FAT4: variants seen among roughly 807,000 people sequenced by gnomAD.
FAT4 encodes the protein FAT atypical cadherin 4, also known as protocadherin Fat 4.
A neutral mutation model predicts 303.9 loss-of-function variants in FAT4; 84 were observed. The ratio of observed to expected loss-of-function variants is 0.28; its 90% CI spans 0.23 to 0.33. The LOEUF is 0.33. Ranked by LOEUF, FAT4 falls within the 10% of genes least tolerant of loss-of-function variation. The pLI, the probability that FAT4 is intolerant of heterozygous loss-of-function variation, is 1.00. For synonymous variants in FAT4, 2,307 were observed against 2,298.8 expected (o/e 1.00, Z -0.10); for missense variants, 6,005 against 6,146.8 (o/e 0.98, Z 0.77).
At position 125,455,237 on chromosome 4, in the gene FAT4, A is replaced by AT. The variant is rs942864223; in HGVS notation, c.11800+2428dup. ...TGAAGAAAGTGCAAATGTATTAGGT[A>AT]TGGATAAGAAACATGGAAAGTACTA... On this transcript the variant is annotated intron_variant, in intron 10 of 17. Coordinates refer to ENST00000394329, the MANE Select transcript of FAT4 (RefSeq NM_001291303.3). Among the ~76,000 whole-genome samples, 157 of 152,350 alleles carry AT rather than the reference A, an allele frequency of 1.0e-3. 1 individual carries two copies. Among genetic ancestry groups the AT allele is most frequent in the African/African-American group, 3.6e-3 (151 of 41,578 alleles).
intron 2 of FAT4, among the ~76,000 whole-genome samples, chr4:125,392,427 A>T (rs958941124): frequency 1.3e-5 from 2 of 152,176 alleles, no homozygotes; most frequent in Admixed American, 1.3e-4. Context: ...ACTATTTTAT[A>T]GTTTGTACAG....
intron 7 of FAT4, among the ~76,000 whole-genome samples, chr4:125,432,138 T>G (rs1725303835): frequency 6.6e-6 from 1 of 152,124 alleles, no homozygotes; most frequent in Non-Finnish European, 1.5e-5. Context: ...CTGGTGCTCT[T>G]CTAGGCTCAG....
At chr4:125,353,836 T>A (rs181612052) in intron 2 of FAT4, among the ~76,000 whole-genome samples, 86 of 151,834 alleles carry the variant, frequency 5.7e-4, no homozygotes, top group Admixed American at 1.4e-3. Flanking sequence ...TATGTTTTGG[T>A]TGAATTGTGA....
At position 125,315,645 on chromosome 4, in the gene FAT4, G is replaced by C. The variant is rs751402976; in HGVS notation, c.-345G>C. ...TGTGCCGGACCACGGGCTTGAAGCC[G>C]CAACAGGGGCGGCGGCGGCGGCGGC... On this transcript the variant is annotated 5_prime_UTR_variant, in exon 1 of 18. Coordinates refer to ENST00000394329, the MANE Select transcript of FAT4 (RefSeq NM_001291303.3). Among the ~76,000 whole-genome samples, 1 of 152,208 alleles carries C rather than the reference G, an allele frequency of 6.6e-6. No homozygotes were observed. Among genetic ancestry groups the C allele is most frequent in the East Asian group, 1.9e-4 (1 of 5,162 alleles).
chr4:125,415,297 C>A lies in FAT4; in HGVS notation c.6334C>A (p.Leu2112Met), dbSNP rs781133612. ...IDGEVRLTGE[L>M]DREEVSNYTL... ...TGGTGAAGTGAGGCTCACTGGAGAA[C>A]TGGACAGAGAAGAAGTTTCTAATTA... Residue 2112 changes from leucine to methionine, a missense_variant, in exon 6 of 18, where the codon CTG (leucine) becomes ATG (methionine). Transcript: ENST00000394329. The A allele has an allele frequency of 3.7e-5, 59 of 1,613,924 alleles. No homozygotes were observed. The highest frequency in any genetic ancestry group is 4.8e-5 in the Non-Finnish European group (57 of 1,179,992).
chr4:125,395,413 G>A (rs997682944), intron 2 of FAT4, among the ~76,000 whole-genome samples: 3 of 152,194 alleles, frequency 2.0e-5, no homozygotes, highest in South Asian at 4.1e-4. Flanking sequence ...GGGTTCAAGC[G>A]ATTCTCCTGT....
intron 2 of FAT4, among the ~76,000 whole-genome samples, chr4:125,355,726 C>T (rs2952839): frequency 0.98 from 149,586 of 151,962 alleles, 73,634 homozygotes; most frequent in East Asian, 1. Flanking sequence ...TCTTTTTTTT[C>T]CTCCAATAAT....
rs993652784 is a variant in FAT4 at position 125,451,910 on chromosome 4, A to G, written c.10900A>G (p.Ile3634Val). 2 of 1,613,896 alleles carry G rather than the reference A, an allele frequency of 1.2e-6. No homozygotes were observed. The highest frequency in any genetic ancestry group is 8.5e-7 in the Non-Finnish European group (1 of 1,179,980). ...NYYGNLFPGG[I>V]LGSVKPQDPD... ...TTATGGTAACTTGTTTCCCGGTGGG[A>G]TTTTAGGCTCTGTGAAGCCACAGGA... Residue 3634 changes from isoleucine to valine, a missense_variant, in exon 10 of 18, where the codon ATT (isoleucine) becomes GTT (valine). Ile to Val is a conservative substitution (Grantham distance 29, BLOSUM62 3). Coordinates refer to ENST00000394329, the MANE Select transcript of FAT4 (RefSeq NM_001291303.3).
intron 2 of FAT4, among the ~76,000 whole-genome samples, chr4:125,392,691 T>C (rs756792060): frequency 3.3e-5 from 5 of 152,158 alleles, no homozygotes; most frequent in East Asian, 1.9e-4. Flanking sequence ...AATATAAATA[T>C]AAAAGAACCT....
Position 125,448,797 on chromosome 4 carries a change from T to C in FAT4, c.7787T>C (p.Leu2596Ser), listed in dbSNP as rs111501860. Residue 2596 changes from leucine to serine, a missense_variant, in exon 10 of 18, where the codon TTA becomes TCA. Coordinates refer to ENST00000394329, the MANE Select transcript of FAT4 (RefSeq NM_001291303.3). ...SLVTTITGSS[L>S]RGEPMSYYIA... ...GTCACCACCATCACAGGATCCTCTT[T>C]AAGAGGAGAACCTATGTCATATTAT... 4.9e-4 allele frequency: 797 copies of C among 1,610,362 alleles called. 5 individuals carry two copies. The African/African-American group carries it at 7.8e-3, about 16-fold the overall frequency.
Position 125,319,282 on chromosome 4 carries a change from T to C in FAT4, c.2871T>C (p.Val957=). ...GTISLLGPLD[V]HAGSYQIEIL... ...TTAGTCTGCTTGGGCCCCTGGATGT[T>C]CATGCTGGCTCCTACCAAATAGAGA... Residue 957 remains valine, a synonymous_variant, in exon 2 of 18, where the codon GTT becomes GTC. Transcript: ENST00000394329. The C allele has an allele frequency of 6.2e-7, 1 of 1,614,162 alleles. No individual in the cohort carries two copies. The highest frequency in any genetic ancestry group is 8.5e-7 in the Non-Finnish European group (1 of 1,180,014).
In FAT4 at chr4:125,316,646, G is replaced by C. The variant is rs767730943; in HGVS notation, c.235G>C (p.Ala79Pro). The change falls in exon 2 of 18, where the codon GCC (alanine) becomes CCC (proline). Residue 79 changes from alanine (A) to proline (P), a missense_variant. Physicochemically the swap from Ala to Pro is conservative, Grantham distance 27. Transcript: ENST00000394329. This position sits in a 1 kb window ranked among gnomAD's most constrained non-coding sequence, Gnocchi z 5.7. The part of the protein sequence containing the change: ...GFTYRLSESH[A>P]LFAINSSTGA... Reference sequence around the variant, plus strand: ...CACCTACAGGCTCAGCGAAAGCCACGCCCTGTTTGCCATAAACAGTAGCAC... The same window carrying C: ...CACCTACAGGCTCAGCGAAAGCCACCCCCTGTTTGCCATAAACAGTAGCAC... The C allele has an allele frequency of 1.2e-6, 2 of 1,613,670 alleles. No individual in the cohort carries two copies. The highest frequency in any genetic ancestry group is 2.2e-5 in the East Asian group (1 of 44,854).
intron 2 of FAT4, chr4:125,394,109 G>T: frequency 1.6e-6 from 1 of 631,884 alleles, no homozygotes; most frequent in Non-Finnish European, 2.9e-6. Context: ...GTCAACATTT[G>T]GTAGGCATGC....
At chr4:125,399,916 T>G (rs1026173770) in intron 3 of FAT4, among the ~76,000 whole-genome samples, 1 of 151,960 alleles carries the variant, frequency 6.6e-6, no homozygotes, top group African/African-American at 2.4e-5. Flanking sequence ...TGACTTAATA[T>G]TTCTATTGTT....
intron 8 of FAT4, among the ~76,000 whole-genome samples, chr4:125,445,930 T>G (rs929316531): frequency 3.3e-5 from 5 of 152,128 alleles, no homozygotes; most frequent in African/African-American, 1.2e-4. Context: ...TTAAAAGATA[T>G]TCATTTGTAA....
At chr4:125,457,740 A>C (rs898112464) in intron 10 of FAT4, among the ~76,000 whole-genome samples, 3 of 152,098 alleles carry the variant, frequency 2.0e-5, no homozygotes, top group Non-Finnish European at 4.4e-5. Context: ...CTAAATTTTC[A>C]CAAAATGTAA....
rs1376921229 is a variant in FAT4 at position 125,449,517 on chromosome 4, A to G, written c.8507A>G (p.Asn2836Ser). The stretch of plus-strand genomic sequence containing the variant: ...GATATTGTCATAAGCAGACCTTTAA[A>G]TAGGGAAGATACAGACCGTTACAGA... ...TGDIVISRPLNREDTDRYRIR... is the reference protein window; with the variant it reads ...TGDIVISRPLSREDTDRYRIR... Residue 2836 changes from asparagine (N) to serine (S), a missense_variant, in exon 10 of 18, where the codon AAT becomes AGT. By Grantham distance (46) the Asn-to-Ser change is conservative. Coordinates refer to ENST00000394329, the MANE Select transcript of FAT4 (RefSeq NM_001291303.3). 1.9e-6 allele frequency: 3 copies of G among 1,613,894 alleles called. No individual in the cohort carries two copies. The East Asian group carries it at 6.7e-5, about 36-fold the overall frequency.
intron 6 of FAT4, among the ~76,000 whole-genome samples, chr4:125,416,209 A>G (rs1013580539): frequency 1.3e-5 from 2 of 152,196 alleles, no homozygotes; most frequent in African/African-American, 4.8e-5. Flanking sequence ...AACTGCTCTT[A>G]AAAATTTTTA....
At chr4:125,395,932 G>A (rs1340876199) in intron 2 of FAT4, among the ~76,000 whole-genome samples, 1 of 152,144 alleles carries the variant, frequency 6.6e-6, no homozygotes, top group Non-Finnish European at 1.5e-5. Flanking sequence ...AGAGCACTAT[G>A]TAGTGATCCC....
Sources: allele counts gnomAD v4.1 joint callset (sites outside exome capture counted in the v4.1 genomes callset), GRCh38; gene constraint gnomAD v4.1.1; non-coding constraint Gnocchi (gnomAD v3.1); transcripts MANE v1.5; gene names NCBI Gene and HGNC (gene_info 2026-07-23, HGNC 2026-07-21).